Variants in PRKCE observed in about 807,000 individuals in gnomAD.
The protein encoded by PRKCE is protein kinase C epsilon.
PRKCE carries 16 observed loss-of-function variants against 85.4 expected under a neutral mutation model. The observed-to-expected ratio is 0.19, with a 90% CI of 0.13 to 0.28. The LOEUF (loss-of-function observed/expected upper bound fraction) is 0.28. PRKCE is among the 10% of genes least tolerant of loss of function. The pLI, the probability that PRKCE is intolerant of heterozygous loss-of-function variation, is 1.00. For missense variants in PRKCE, 573 were observed against 975.2 expected (o/e 0.59, Z 5.49); for synonymous variants, 388 against 371.5 (o/e 1.04, Z -0.51).
At chr2:45,759,936 G>A (rs564336788) in intron 1 of PRKCE, among the ~76,000 whole-genome samples, 3 of 152,284 alleles carry the variant, frequency 2.0e-5, no homozygotes, top group Admixed American at 6.5e-5. Context: ...TAGATTTTAT[G>A]GGGGATACTG....
chr2:45,794,593 C>T (rs1687275119), intron 1 of PRKCE, among the ~76,000 whole-genome samples: 2 of 152,104 alleles, frequency 1.3e-5, no homozygotes, highest in African/African-American at 4.8e-5. Flanking sequence ...CAAGGAATCT[C>T]AGGAAGGGCA....
intron 2 of PRKCE, among the ~76,000 whole-genome samples, chr2:45,946,260 T>C (rs555804075): frequency 3.9e-5 from 6 of 152,246 alleles, no homozygotes; most frequent in Non-Finnish European, 8.8e-5. Flanking sequence ...TGCCCGGTCA[T>C]CTATGACTAA....
chr2:46,179,320 AG>A (rs1036231058), intron 14 of PRKCE, among the ~76,000 whole-genome samples: 9 of 152,246 alleles, frequency 5.9e-5, no homozygotes, highest in African/African-American at 2.2e-4. Flanking sequence ...CCAGACAGGA[AG>A]TAAGCATTGA....
intron 2 of PRKCE, among the ~76,000 whole-genome samples, chr2:45,908,852 G>A (rs1443903596): frequency 4.6e-5 from 7 of 152,164 alleles, no homozygotes; most frequent in African/African-American, 1.7e-4. Flanking sequence ...GATGGGGGCA[G>A]ACAGGCTGTA....
intron 2 of PRKCE, among the ~76,000 whole-genome samples, chr2:45,906,093 C>T (rs890877038): frequency 2.6e-5 from 4 of 152,234 alleles, no homozygotes; most frequent in African/African-American, 7.2e-5. Context: ...CCAGATGCAG[C>T]GGCTTTCCTG....
chr2:45,708,538 C>T (rs1482754366), intron 1 of PRKCE, among the ~76,000 whole-genome samples: 2 of 152,206 alleles, frequency 1.3e-5, no homozygotes, highest in Admixed American at 1.3e-4. Context: ...TGCTGTTGTC[C>T]ATGTAAGATG....
chr2:45,870,207 G>A (rs62127223), intron 2 of PRKCE, among the ~76,000 whole-genome samples: 15,305 of 152,194 alleles, frequency 0.1, 1,145 homozygotes, highest in East Asian at 0.37. Context: ...CTCTGGGGAG[G>A]AAAGTCAGGA....
At position 46,159,674 on chromosome 2, in the gene PRKCE, G is replaced by A. The variant is rs571168471; in HGVS notation, c.1989G>A (p.Lys663=). 13 of 1,599,568 alleles carry A rather than the reference G, an allele frequency of 8.1e-6. No homozygotes were observed. The East Asian group carries it at 2.9e-4, about 36-fold the overall frequency. ...VASQNGEDAI[K]QHPFFKEIDW... is the part of the protein sequence containing the mutation. ...CGCAGAATGGCGAGGACGCCATCAA[G>A]CAGCACCCATTCTTCAAAGAGATTG... is the stretch of plus-strand genomic sequence containing the variant. Residue 663 remains lysine (K), a synonymous_variant, in exon 14 of 15, where the codon AAG becomes AAA. Transcript: ENST00000306156. This position sits in a 1 kb window ranked among gnomAD's most constrained non-coding sequence, Gnocchi z 4.1.
chr2:46,166,175 A>G (rs948231282), intron 14 of PRKCE, among the ~76,000 whole-genome samples: 5 of 152,208 alleles, frequency 3.3e-5, no homozygotes, highest in African/African-American at 1.2e-4. Context: ...AGACCCGCAC[A>G]CTTCACCAAC....
chr2:45,673,215 C>G (rs1354997716), intron 1 of PRKCE, among the ~76,000 whole-genome samples: 1 of 152,180 alleles, frequency 6.6e-6, no homozygotes, highest in Non-Finnish European at 1.5e-5. Flanking sequence ...TTCTTCCTTT[C>G]AAGTTGTAAC....
chr2:45,797,149 ACAGGTATAGTATCATTAGCTTGT>A (rs1229545880), intron 1 of PRKCE, among the ~76,000 whole-genome samples: 1 of 152,190 alleles, frequency 6.6e-6, no homozygotes, highest in Non-Finnish European at 1.5e-5. Context: ...CCTGTATGTA[ACAGGTATAGTATCATTAGCTTGT>A]TGTCCATGTG....
rs114756366 is a variant in PRKCE at position 45,787,876 on chromosome 2, A to G, written c.349-55124A>G. 6.9e-3 allele frequency among the ~76,000 whole-genome samples: 1,056 copies of G among 152,256 alleles called. 15 individuals carry two copies. Among genetic ancestry groups the G allele is most frequent in the African/African-American group, 0.024 (996 of 41,548 alleles). ...TGGAGATCCTGTGCAGGGGAGTGAT[A>G]TGTAACCAGCGGCCCATCCAGAGCA... On this transcript the variant is annotated intron_variant, in intron 1 of 14. Transcript: ENST00000306156.
At chr2:45,815,419 G>A (rs770963478) in intron 1 of PRKCE, among the ~76,000 whole-genome samples, 1 of 152,090 alleles carries the variant, frequency 6.6e-6, no homozygotes, top group African/African-American at 2.4e-5. Context: ...CCCAGCCTAC[G>A]CCATTCTCTC....
At chr2:45,766,360 G>A (rs1310637410) in intron 1 of PRKCE, among the ~76,000 whole-genome samples, 1 of 152,224 alleles carries the variant, frequency 6.6e-6, no homozygotes, top group East Asian at 1.9e-4. Context: ...GAAGACTTCA[G>A]TGAGGCCTAG....
At chr2:46,173,716 A>T (rs1324170447) in intron 14 of PRKCE, among the ~76,000 whole-genome samples, 2 of 152,238 alleles carry the variant, frequency 1.3e-5, no homozygotes, top group African/African-American at 4.8e-5. Flanking sequence ...CAACTTCTTT[A>T]TAACAGGGAC....
chr2:45,982,054 G>T (rs892604926), intron 5 of PRKCE, among the ~76,000 whole-genome samples: 2 of 152,248 alleles, frequency 1.3e-5, no homozygotes, highest in Non-Finnish European at 2.9e-5. Context: ...TCCCAAACTT[G>T]ACATGTATCA....
chr2:45,670,245 A>G (rs1676095183), intron 1 of PRKCE, among the ~76,000 whole-genome samples: 3 of 152,194 alleles, frequency 2.0e-5, no homozygotes, highest in Admixed American at 2.0e-4. Flanking sequence ...AAATCTGTTA[A>G]GAACCTTTAG....
At chr2:45,693,573 C>G (rs959966152) in intron 1 of PRKCE, among the ~76,000 whole-genome samples, 50 of 152,182 alleles carry the variant, frequency 3.3e-4, no homozygotes, top group African/African-American at 1.2e-3. Flanking sequence ...AGGGCTGGGT[C>G]CTGTCTTGAG....
intron 2 of PRKCE, among the ~76,000 whole-genome samples, chr2:45,899,955 A>G (rs1305455521): frequency 6.6e-6 from 1 of 152,208 alleles, no homozygotes; most frequent in African/African-American, 2.4e-5. Flanking sequence ...GGGCTCAACT[A>G]TGAAAGATAA....
Sources: gnomAD v4.1 joint callset for allele counts (sites outside exome capture counted in the v4.1 genomes callset) on GRCh38, gnomAD v4.1.1 for gene constraint, Gnocchi (gnomAD v3.1) non-coding constraint, MANE v1.5 for transcripts, NCBI Gene and HGNC (gene_info 2026-07-23, HGNC 2026-07-21) for gene names.